The following SYT17 variants were observed in gnomAD, a reference collection of about 807,000 sequenced individuals.
SYT17 encodes synaptotagmin 17, also known as synaptotagmin-17.
A neutral mutation model predicts 46.7 loss-of-function variants in SYT17; 22 were observed. The observed-to-expected ratio is 0.47, with a 90% CI of 0.34 to 0.67. SYT17 has a LOEUF of 0.67. Ranked by LOEUF, SYT17 falls within the 30% of genes least tolerant of loss-of-function variation. SYT17 has a pLI of 0.01. For synonymous variants in SYT17, 251 were observed against 248.4 expected (o/e 1.01, Z -0.10); for missense variants, 519 against 612.8 (o/e 0.85, Z 1.62).
chr16:19,232,845 A>AAC (rs200759149), intron 7 of SYT17, among the ~76,000 whole-genome samples: 1 of 104,148 alleles, frequency 9.6e-6, no homozygotes, highest in Non-Finnish European at 2.6e-5. Flanking sequence ...AACATAAACA[A>AAC]ACAAACAAAC....
chr16:19,220,374 C>T (rs907226757), intron 5 of SYT17, among the ~76,000 whole-genome samples: 3 of 133,344 alleles, frequency 2.2e-5, no homozygotes, highest in Non-Finnish European at 4.6e-5. Flanking sequence ...GTGATTTCGG[C>T]TCACTGCAAC....
chr16:19,261,008 T>G (rs1968937524), intron 7 of SYT17, among the ~76,000 whole-genome samples: 1 of 151,414 alleles, frequency 6.6e-6, no homozygotes, highest in Middle Eastern at 3.2e-3. Flanking sequence ...ATGTCTAGTC[T>G]TTAAAAAAAA....
At chr16:19,219,655 A>T (rs1966234789) in intron 5 of SYT17, among the ~76,000 whole-genome samples, 1 of 152,068 alleles carries the variant, frequency 6.6e-6, no homozygotes, top group Non-Finnish European at 1.5e-5. Flanking sequence ...CACCCAAGAA[A>T]TGTTCTTCCT....
intron 7 of SYT17, among the ~76,000 whole-genome samples, chr16:19,263,410 G>A (rs886265473): frequency 2.6e-5 from 4 of 152,108 alleles, no homozygotes; most frequent in African/African-American, 9.7e-5. Flanking sequence ...GGAAGGCCGA[G>A]GTGGGCAGAT....
At chr16:19,258,174 G>A (rs924448029) in intron 7 of SYT17, among the ~76,000 whole-genome samples, 1 of 152,114 alleles carries the variant, frequency 6.6e-6, no homozygotes, top group African/African-American at 2.4e-5. Context: ...CTGGAGCAGT[G>A]AGTGATCTCC....
intron 7 of SYT17, among the ~76,000 whole-genome samples, chr16:19,230,820 C>T (rs1053363834): frequency 1.3e-5 from 2 of 152,096 alleles, no homozygotes; most frequent in East Asian, 3.8e-4. Context: ...GTACTTACTT[C>T]GGTGAATTGT....
intron 4 of SYT17, among the ~76,000 whole-genome samples, chr16:19,181,223 A>G (rs1394638808): frequency 3.3e-5 from 5 of 152,184 alleles, no homozygotes; most frequent in Admixed American, 6.5e-5. Context: ...TGACCACCCA[A>G]TTTGTCCACT....
At chr16:19,237,131 C>A (rs72779569) in intron 7 of SYT17, among the ~76,000 whole-genome samples, 1 of 152,146 alleles carries the variant, frequency 6.6e-6, no homozygotes, top group Non-Finnish European at 1.5e-5. Flanking sequence ...AACTAGCAAC[C>A]GTGCAAAGTC....
At chr16:19,174,989 T>C (rs375674859) in intron 3 of SYT17, among the ~76,000 whole-genome samples, 1 of 151,970 alleles carries the variant, frequency 6.6e-6, no homozygotes, top group African/African-American at 2.4e-5. Flanking sequence ...ATTAGCCGGA[T>C]GTGGTGATGT....
At chr16:19,251,662 C>T (rs1968078922) in intron 7 of SYT17, among the ~76,000 whole-genome samples, 1 of 152,120 alleles carries the variant, frequency 6.6e-6, no homozygotes, top group African/African-American at 2.4e-5. Flanking sequence ...GGGGAGGAAG[C>T]CACCAGGGTG....
chr16:19,221,335 A>G (rs1235514192), intron 5 of SYT17, among the ~76,000 whole-genome samples: 1 of 152,168 alleles, frequency 6.6e-6, no homozygotes, highest in African/African-American at 2.4e-5. Context: ...TTGGTCAAGT[A>G]AAGAATCTTT....
chr16:19,243,173 G>T (rs1325740023), intron 7 of SYT17, among the ~76,000 whole-genome samples: 1 of 152,184 alleles, frequency 6.6e-6, no homozygotes, highest in East Asian at 1.9e-4. Context: ...GGTGGGTGAA[G>T]AGTCAGTAGG....
rs754422083 is a variant in SYT17 at position 19,224,786 on chromosome 16, C to T, written c.1176C>T (p.Phe392=). Residue 392 remains phenylalanine (F), a synonymous_variant, in exon 7 of 8, where the codon TTC becomes TTT. Coordinates refer to ENST00000355377, the MANE Select transcript of SYT17 (RefSeq NM_016524.4). ...GTIDPFYNES[F]SFKVPQEELE... ...TTGATCCTTTCTACAATGAATCCTT[C>T]AGCTTCAAAGTTCCCCAAGAAGAAC... 20 of 1,614,002 alleles carry T rather than the reference C, an allele frequency of 1.2e-5. No homozygotes were observed. Among genetic ancestry groups the T allele is most frequent in the Non-Finnish European group, 1.5e-5 (18 of 1,179,986 alleles).
At chr16:19,182,351 G>T (rs1038195181) in intron 4 of SYT17, among the ~76,000 whole-genome samples, 5 of 152,156 alleles carry the variant, frequency 3.3e-5, no homozygotes, top group African/African-American at 9.7e-5. Flanking sequence ...GAAGGTGGAG[G>T]TTGCAGTGAG....
intron 3 of SYT17, among the ~76,000 whole-genome samples, chr16:19,174,751 G>A (rs1458781596): frequency 2.6e-5 from 4 of 152,206 alleles, no homozygotes; most frequent in Admixed American, 6.5e-5. Flanking sequence ...CAGAGTTGTC[G>A]AAGGGAGTCA....
At position 19,183,916 on chromosome 16, in the gene SYT17, G is replaced by A; in HGVS notation, c.720G>A (p.Lys240=). 6.2e-7 allele frequency: 1 copy of A among 1,614,222 alleles called. No individual in the cohort carries two copies. Among genetic ancestry groups the A allele is most frequent in the Non-Finnish European group, 8.5e-7 (1 of 1,180,048 alleles). The change falls in exon 5 of 8, where the codon AAG becomes AAA. Residue 240 remains lysine, a synonymous_variant. Transcript: ENST00000355377. This position sits in a 1 kb window ranked among gnomAD's most constrained non-coding sequence, Gnocchi z 5.6. ...AGATCTGTCTCCTGCCAGACCAGAA[G>A]AACTCAAAGCAGACCGGGGTCAAAC... The part of the protein sequence containing the change: ...YVKICLLPDQ[K]NSKQTGVKRK...
At chr16:19,199,145 G>T (rs185836056) in intron 5 of SYT17, among the ~76,000 whole-genome samples, 197 of 152,310 alleles carry the variant, frequency 1.3e-3, no homozygotes, top group Non-Finnish European at 7.2e-4. Context: ...CCTGGTCCCT[G>T]CCCTTGAGAC....
chr16:19,249,959 C>T, intron 7 of SYT17: 1 of 1,535,980 alleles, frequency 6.5e-7, no homozygotes, highest in South Asian at 1.2e-5. Flanking sequence ...AGCCCCATAC[C>T]AGCCTGCGAA....
At chr16:19,207,659 T>C (rs1303744452) in intron 5 of SYT17, among the ~76,000 whole-genome samples, 1 of 151,976 alleles carries the variant, frequency 6.6e-6, no homozygotes, top group African/African-American at 2.4e-5. Context: ...CCTCCAACAT[T>C]GGGGGAAAGT....
Sources: gnomAD v4.1 joint callset for allele counts (sites outside exome capture counted in the v4.1 genomes callset) on GRCh38, gnomAD v4.1.1 for gene constraint, Gnocchi (gnomAD v3.1) non-coding constraint, MANE v1.5 for transcripts, NCBI Gene and HGNC (gene_info 2026-07-23, HGNC 2026-07-21) for gene names.